The following GLIPR2 variants were observed in gnomAD, a reference collection of about 807,000 sequenced individuals.
The protein encoded by GLIPR2 is GLI pathogenesis related 2, also known as Golgi-associated plant pathogenesis-related protein 1.
GLIPR2 carries 21 observed loss-of-function variants against 20.4 expected under a neutral mutation model. That is an observed-to-expected ratio of 1.03 (90% CI 0.73 to 1.48). The LOEUF (loss-of-function observed/expected upper bound fraction) is 1.48, where lower values mean the gene tolerates loss of function less well. GLIPR2 is among the 40% of genes most tolerant of loss of function. GLIPR2 has a pLI of 0.00. For missense variants in GLIPR2, 205 were observed against 200.1 expected, an observed-to-expected ratio of 1.02 and a Z score of -0.15; for synonymous variants, 91 against 80.5, an observed-to-expected ratio of 1.13 and a Z score of -0.70.
intron 1 of GLIPR2, among the ~76,000 whole-genome samples, chr9:36,140,030 A>T (rs1431724675): frequency 6.6e-6 from 1 of 152,166 alleles, no homozygotes; most frequent in Non-Finnish European, 1.5e-5. Flanking sequence ...CTCATTCTAT[A>T]GATTTACAGA....
intron 1 of GLIPR2, among the ~76,000 whole-genome samples, chr9:36,138,831 C>T (rs144853476): frequency 3.6e-4 from 55 of 152,270 alleles, no homozygotes; most frequent in African/African-American, 1.2e-3. Context: ...GAGACTGCTC[C>T]GCGTGGGAGC....
chr9:36,146,301 T>G (rs1395466277), intron 1 of GLIPR2: 1 of 152,158 alleles, frequency 6.6e-6, no homozygotes, highest in East Asian at 1.9e-4. Context: ...TCTAATCACC[T>G]CTTAAAGATC....
rs544679966 is a variant in GLIPR2, at chr9:36,162,421, G to C, written c.364G>C (p.Ala122Pro). 1.1e-5 allele frequency: 18 copies of C among 1,613,974 alleles called. No homozygotes were observed. The highest frequency in any genetic ancestry group is 1.4e-5 in the Non-Finnish European group (17 of 1,179,982). The stretch of plus-strand genomic sequence containing the variant: ...GAAGATGGGCGTGGGGAAGGCGTCC[G>C]CAAGTGACGGGTCCTCCTTTGTGGT... Reference protein sequence around the residue: ...TKKMGVGKASASDGSSFVVAR... With the variant: ...TKKMGVGKASPSDGSSFVVAR... The change falls in exon 5 of 5, where the codon GCA becomes CCA. Residue 122 changes from alanine (A) to proline (P), a missense_variant. Physicochemically the swap from Ala to Pro is conservative, Grantham distance 27. Transcript: ENST00000377960.
intron 1 of GLIPR2, among the ~76,000 whole-genome samples, chr9:36,138,917 G>A (rs1175951225): frequency 2.6e-5 from 4 of 152,130 alleles, no homozygotes; most frequent in Admixed American, 2.0e-4. Flanking sequence ...TGGAACCTGG[G>A]GTGCCATGGA....
intron 4 of GLIPR2, among the ~76,000 whole-genome samples, chr9:36,157,329 CTTTTTTATTTTTAT>C (rs1033415670): frequency 6.7e-6 from 1 of 149,830 alleles, no homozygotes; most frequent in African/African-American, 2.5e-5. Flanking sequence ...CACCCAGTCT[CTTTTTTATTTTTAT>C]TTTTTTATTT....
At position 36,148,815 on chromosome 9, in the gene GLIPR2, A is replaced by G. The variant is rs988472554; in HGVS notation, c.226+165A>G. ...TCTGCTCCCAGGCTGACTTCAGTTC[A>G]CCACAAGGTCTCTGATGGCTGGCTC... is the stretch of plus-strand genomic sequence containing the variant. On this transcript the variant is annotated intron_variant, in intron 3 of 4. Transcript: ENST00000377960. 4.6e-5 allele frequency among the ~76,000 whole-genome samples: 7 copies of G among 152,262 alleles called. No homozygotes were observed. In the East Asian group the frequency reaches 1.3e-3, roughly 29 times the overall value.
intron 4 of GLIPR2, among the ~76,000 whole-genome samples, chr9:36,152,918 C>A (rs571413306): frequency 7.7e-6 from 1 of 130,174 alleles, no homozygotes; most frequent in Non-Finnish European, 1.6e-5. Flanking sequence ...ACAGGCCTGG[C>A]CAACATGGTG....
Position 36,163,310 on chromosome 9 carries a change from C to T in GLIPR2, c.*788C>T, listed in dbSNP as rs1461817912. On this transcript the variant is annotated 3_prime_UTR_variant, in exon 5 of 5. Coordinates refer to ENST00000377960, the MANE Select transcript of GLIPR2 (RefSeq NM_022343.4). ...TTGGGCTAGGCCTGAAGCTCCCCCT[C>T]CCCCACCTCTGCTAGGCAGCCCAGG... The T allele has an allele frequency of 1.0e-5, 2 of 190,490 alleles. No homozygotes were observed. Among genetic ancestry groups the T allele is most frequent in the African/African-American group, 2.4e-5 (1 of 41,708 alleles). The allele number at this position is 190,490 out of a possible 1,614,324, so 11.8% of individuals were successfully genotyped here. A position where few individuals can be genotyped will look rare whatever the true frequency, so the allele number is the denominator to read the frequency against.
intron 4 of GLIPR2, among the ~76,000 whole-genome samples, chr9:36,159,392 TC>T (rs1228629916): frequency 6.6e-6 from 1 of 152,116 alleles, no homozygotes. Context: ...AGAACTGGAG[TC>T]CAAGATGGAT....
At chr9:36,148,060 C>T (rs1035318917) in intron 2 of GLIPR2, among the ~76,000 whole-genome samples, 166 bp downstream of exon 2, 3 of 152,112 alleles carry the variant, frequency 2.0e-5, no homozygotes, top group Non-Finnish European at 2.9e-5. Flanking sequence ...CTGGCCTGGC[C>T]AATATGGTGA....
Position 36,148,616 on chromosome 9 carries a change from G to A in GLIPR2, c.192G>A (p.Gly64=). 1 of 1,613,944 alleles carries A rather than the reference G, an allele frequency of 6.2e-7. No individual in the cohort carries two copies. Among genetic ancestry groups the A allele is most frequent in the Non-Finnish European group, 8.5e-7 (1 of 1,179,824 alleles). ...HSPESSRGQC[G]ENLAWASYDQ... is the part of the protein sequence containing the mutation. ...CGGAGTCCAGCCGTGGCCAGTGTGGGGAGAACCTTGCATGGGCATCCTATG... is the reference window on the plus strand; with the variant it reads ...CGGAGTCCAGCCGTGGCCAGTGTGGAGAGAACCTTGCATGGGCATCCTATG... The change falls in exon 3 of 5, where the codon GGG becomes GGA. Residue 64 remains glycine, a synonymous_variant. Coordinates refer to ENST00000377960, the MANE Select transcript of GLIPR2 (RefSeq NM_022343.4).
chr9:36,150,767 T>C (rs982911005), intron 3 of GLIPR2, 105 bp from the exon 4 acceptor site: 1 of 764,368 alleles, frequency 1.3e-6, no homozygotes, highest in Non-Finnish European at 2.3e-6. Flanking sequence ...TTCTCAGATG[T>C]CTAATTGCCG....
intron 4 of GLIPR2, among the ~76,000 whole-genome samples, chr9:36,151,595 C>T (rs1825589771): frequency 6.6e-6 from 1 of 152,200 alleles, no homozygotes; most frequent in Non-Finnish European, 1.5e-5. Flanking sequence ...CCTGTCCCCT[C>T]TTCCCAGGGG....
intron 4 of GLIPR2, among the ~76,000 whole-genome samples, chr9:36,157,809 TTTTTTTG>T: frequency 6.6e-6 from 1 of 151,570 alleles, no homozygotes; most frequent in Non-Finnish European, 1.5e-5. Context: ...TTGTGGGTTT[TTTTTTTG>T]TTTTTTGTTT....
intron 1 of GLIPR2, among the ~76,000 whole-genome samples, chr9:36,143,744 C>T (rs1422826098): frequency 6.6e-6 from 1 of 152,172 alleles, no homozygotes; most frequent in African/African-American, 2.4e-5. Flanking sequence ...GCCTGAGTCC[C>T]TCCAAGAGGG....
chr9:36,142,639 C>T (rs1239272603), intron 1 of GLIPR2, among the ~76,000 whole-genome samples: 1 of 152,134 alleles, frequency 6.6e-6, no homozygotes, highest in Non-Finnish European at 1.5e-5. Context: ...CCCTGCCCTT[C>T]CCCCATCGTA....
At chr9:36,136,598 A>G (rs1049099831), upstream of GLIPR2, 23 of 379,928 alleles carry the variant, frequency 6.1e-5, no homozygotes, top group Non-Finnish European at 1.0e-4. This position sits in a 1 kb window ranked among gnomAD's most constrained non-coding sequence, Gnocchi z 4.3. Context: ...GCTCTCCGGG[A>G]GGCCCACGGG....
At chr9:36,156,996 TTTTTA>T (rs1327026617) in intron 4 of GLIPR2, among the ~76,000 whole-genome samples, 4 of 152,036 alleles carry the variant, frequency 2.6e-5, no homozygotes, top group Admixed American at 2.0e-4. Context: ...TCAGAATTCC[TTTTTA>T]TTTTAATTTA....
Position 36,162,390 on chromosome 9 carries a change from C to T in GLIPR2, c.333C>T (p.Asn111=), listed in dbSNP as rs1423754979. The T allele has an allele frequency of 6.2e-7, 1 of 1,613,892 alleles. No homozygotes were observed. ...ACTTCACGGCCATGGTATGGAAGAA[C>T]ACCAAGAAGATGGGCGTGGGGAAGG... ...TGHFTAMVWK[N]TKKMGVGKAS... Residue 111 remains asparagine, a synonymous_variant, in exon 5 of 5, where the codon AAC becomes AAT. Transcript: ENST00000377960.
Sources: allele counts gnomAD v4.1 joint callset (sites outside exome capture counted in the v4.1 genomes callset), GRCh38; gene constraint gnomAD v4.1.1; non-coding constraint Gnocchi (gnomAD v3.1); transcripts MANE v1.5; gene names NCBI Gene and HGNC (gene_info 2026-07-23, HGNC 2026-07-21).